Variants in MRTFB observed in about 807,000 individuals in gnomAD.
The protein encoded by MRTFB is myocardin-related transcription factor B.
In MRTFB, 29 loss-of-function variants were observed where a neutral mutation model predicts 104.2. The ratio of observed to expected loss-of-function variants is 0.28; its 90% CI spans 0.21 to 0.38. The LOEUF (loss-of-function observed/expected upper bound fraction) is 0.38. MRTFB is among the 10% of genes least tolerant of loss of function. The pLI, the probability that MRTFB is intolerant of heterozygous loss-of-function variation, is 1.00. For missense variants in MRTFB, 1,270 were observed against 1,341.6 expected (o/e 0.95, Z 0.83); for synonymous variants, 535 against 519.5 (o/e 1.03, Z -0.41).
At chr16:14,055,456 G>A in the MRTFB span, among the ~76,000 whole-genome samples, 4 of 152,312 alleles carry the variant, frequency 2.6e-5, no homozygotes, top group Admixed American at 1.3e-4. Flanking sequence ...ACCTGTTTCT[G>A]TCCAGGAACC....
chr16:14,049,824 C>A, the MRTFB span, among the ~76,000 whole-genome samples: 1 of 152,196 alleles, frequency 6.6e-6, no homozygotes, highest in South Asian at 2.1e-4. Context: ...GCTCTACCTC[C>A]CCAGTTCAAG....
At chr16:14,067,182 G>A (rs551421295), upstream of MRTFB, among the ~76,000 whole-genome samples, 3 of 149,862 alleles carry the variant, frequency 2.0e-5, no homozygotes, top group Non-Finnish European at 3.0e-5. Context: ...CCTATAAAAC[G>A]TTCCCTCAAA....
chr16:14,088,893 T>G (rs2034883096), intron 2 of MRTFB, among the ~76,000 whole-genome samples: 1 of 152,248 alleles, frequency 6.6e-6, no homozygotes, highest in African/African-American at 2.4e-5. Context: ...TTGTGCAGTC[T>G]TTGGTTAATT....
intron 16 of MRTFB, 83 bp from the exon 17 acceptor site, chr16:14,260,826 A>T (rs1286648527): frequency 8.8e-7 from 1 of 1,139,456 alleles, no homozygotes; most frequent in African/African-American, 1.6e-5. Flanking sequence ...GCATAATAGC[A>T]ATGTAACTGT....
the MRTFB span, among the ~76,000 whole-genome samples, chr16:14,023,608 CACATACATATACATAT>C: frequency 2.8e-3 from 196 of 70,146 alleles, no homozygotes; most frequent in Non-Finnish European, 4.4e-3. Flanking sequence ...CACACACACA[CACATACATATACATAT>C]ACATATACAT....
At chr16:14,113,417 A>G (rs1310977274) in intron 2 of MRTFB, among the ~76,000 whole-genome samples, 5 of 152,372 alleles carry the variant, frequency 3.3e-5, no homozygotes, top group Admixed American at 1.3e-4. Flanking sequence ...GTTTATAAAT[A>G]TGAGTTGAAT....
intron 3 of MRTFB, among the ~76,000 whole-genome samples, chr16:14,180,014 G>T (rs1323141543): frequency 6.6e-6 from 1 of 152,190 alleles, no homozygotes; most frequent in East Asian, 1.9e-4. Context: ...TGCATGGTGG[G>T]ACCACATATT....
chr16:14,000,639 T>TGTGGACAGCCATCCAGGCTGG, the MRTFB span, among the ~76,000 whole-genome samples: 1 of 152,264 alleles, frequency 6.6e-6, no homozygotes, highest in Admixed American at 6.5e-5. Flanking sequence ...CTGCAGGGCT[T>TGTGGACAGCCATCCAGGCTGG]GTGGACAGCC....
intron 6 of MRTFB, among the ~76,000 whole-genome samples, chr16:14,216,242 G>A (rs1470239826): frequency 6.6e-6 from 1 of 152,198 alleles, no homozygotes; most frequent in Non-Finnish European, 1.5e-5. Flanking sequence ...ACAGACTAAA[G>A]AATATCAGTT....
the MRTFB span, among the ~76,000 whole-genome samples, chr16:14,053,530 A>G: frequency 6.6e-6 from 1 of 152,062 alleles, no homozygotes; most frequent in East Asian, 1.9e-4. Flanking sequence ...CAGGAGTTCG[A>G]GACCAGTCTG....
intron 2 of MRTFB, among the ~76,000 whole-genome samples, chr16:14,099,707 G>A (rs1405228054): frequency 1.1e-4 from 15 of 137,108 alleles, no homozygotes; most frequent in Non-Finnish European, 2.0e-4. Context: ...TCACTGTGTC[G>A]TCCAGGCTGG....
intron 8 of MRTFB, among the ~76,000 whole-genome samples, chr16:14,225,786 C>T (rs1222046838): frequency 6.6e-6 from 1 of 152,134 alleles, no homozygotes; most frequent in Non-Finnish European, 1.5e-5. Context: ...ACCTCAGCCT[C>T]CCAGAGATAT....
chr16:14,093,245 T>A (rs1363628028), intron 2 of MRTFB, among the ~76,000 whole-genome samples: 1 of 103,580 alleles, frequency 9.7e-6, no homozygotes, highest in African/African-American at 1.3e-4. Flanking sequence ...AGAGATGGAT[T>A]TTTTTTTTTT....
intron 8 of MRTFB, among the ~76,000 whole-genome samples, chr16:14,221,250 T>C (rs1450770621): frequency 6.6e-6 from 1 of 152,222 alleles, no homozygotes; most frequent in Non-Finnish European, 1.5e-5. Flanking sequence ...TTCACTGTTA[T>C]CCAGTGTTTG....
chr16:14,187,686 A>G (rs1201889809), intron 3 of MRTFB, among the ~76,000 whole-genome samples: 4 of 152,270 alleles, frequency 2.6e-5, no homozygotes, highest in Non-Finnish European at 4.4e-5. Flanking sequence ...GAAATAGCCA[A>G]ACATGTGGAC....
At chr16:14,042,980 C>T in the MRTFB span, among the ~76,000 whole-genome samples, 2 of 152,156 alleles carry the variant, frequency 1.3e-5, no homozygotes, top group African/African-American at 4.8e-5. Flanking sequence ...CTTGAGGCCT[C>T]CTGGCCCTGG....
intron 1 of MRTFB, 127 bp from the exon 2 acceptor site, chr16:14,079,163 C>T: frequency 3.6e-6 from 1 of 281,684 alleles, no homozygotes; most frequent in Admixed American, 5.3e-5. Flanking sequence ...CCTGACCATT[C>T]CATTTTAATA....
At chr16:14,045,047 C>T in the MRTFB span, among the ~76,000 whole-genome samples, 12 of 152,266 alleles carry the variant, frequency 7.9e-5, no homozygotes, top group East Asian at 2.3e-3. Context: ...TTGCCCCTGT[C>T]TCATTTCTCG....
At chr16:14,175,587 G>A (rs1172986625) in intron 3 of MRTFB, among the ~76,000 whole-genome samples, 1 of 152,056 alleles carries the variant, frequency 6.6e-6, no homozygotes, top group Non-Finnish European at 1.5e-5. Context: ...TAAAAACTAA[G>A]CATACACTTT....
Sources: allele counts gnomAD v4.1 joint callset (sites outside exome capture counted in the v4.1 genomes callset), GRCh38; gene constraint gnomAD v4.1.1; transcripts MANE v1.5; gene names NCBI Gene and HGNC (gene_info 2026-07-23, HGNC 2026-07-21).